Variants in FRMD4B observed in about 807,000 individuals in gnomAD.
The protein encoded by FRMD4B is FERM domain-containing protein 4B.
A neutral mutation model predicts 141.5 loss-of-function variants in FRMD4B; 74 were observed. The observed-to-expected ratio is 0.52, with a 90% CI of 0.43 to 0.63. FRMD4B has a LOEUF of 0.63. Among genes scored for constraint, FRMD4B ranks in the 30% least tolerant of loss-of-function variants. The pLI is 0.00. For missense variants in FRMD4B, 1,366 were observed against 1,253.4 expected, an observed-to-expected ratio of 1.09 and a Z score of -1.36; for synonymous variants, 506 against 467.9, an observed-to-expected ratio of 1.08 and a Z score of -1.05.
chr3:69,485,121 T>G (rs2107001140), intron 1 of FRMD4B, among the ~76,000 whole-genome samples: 1 of 152,176 alleles, frequency 6.6e-6, no homozygotes, highest in Admixed American at 6.5e-5. Context: ...TGCTCCTCTA[T>G]TACCAAAGTC....
intron 1 of FRMD4B, among the ~76,000 whole-genome samples, chr3:69,346,214 C>A (rs772409759): frequency 2.6e-5 from 4 of 151,526 alleles, no homozygotes; most frequent in Non-Finnish European, 5.9e-5. Flanking sequence ...TTCGATCAAG[C>A]GGAAGAAAGG....
At chr3:69,224,866 G>T (rs2093235276) in intron 7 of FRMD4B, among the ~76,000 whole-genome samples, 176 bp from the exon 8 acceptor site, 1 of 149,942 alleles carries the variant, frequency 6.7e-6, no homozygotes, top group South Asian at 2.2e-4. Flanking sequence ...TGAGTTATAT[G>T]ATGAGATGTT....
At chr3:69,408,733 C>T (rs186759492) in intron 2 of FRMD4B, among the ~76,000 whole-genome samples, 9 of 152,152 alleles carry the variant, frequency 5.9e-5, no homozygotes, top group African/African-American at 1.4e-4. Context: ...GAGATAGTTG[C>T]GTGGAGTCCT....
At chr3:69,390,050 T>G (rs79573821), upstream of FRMD4B, among the ~76,000 whole-genome samples, 113 of 151,932 alleles carry the variant, frequency 7.4e-4, 2 homozygotes, top group East Asian at 0.018. Context: ...CACCTGGGAG[T>G]TGTGCTGTCG....
At chr3:69,498,188 A>T (rs895989032) in intron 1 of FRMD4B, among the ~76,000 whole-genome samples, 5 of 152,204 alleles carry the variant, frequency 3.3e-5, no homozygotes, top group African/African-American at 1.2e-4. Context: ...ACCTCAAGTG[A>T]GAACTGAGGA....
intron 1 of FRMD4B, among the ~76,000 whole-genome samples, chr3:69,345,407 G>C (rs1702901542): frequency 6.6e-6 from 1 of 152,204 alleles, no homozygotes; most frequent in Non-Finnish European, 1.5e-5. Context: ...TCCATCTCTG[G>C]GGGCAGGGCA....
intron 1 of FRMD4B, among the ~76,000 whole-genome samples, chr3:69,480,724 A>G (rs9845433): frequency 0.024 from 3,723 of 152,262 alleles, 161 homozygotes; most frequent in African/African-American, 0.084. Flanking sequence ...TGGGAGAACC[A>G]CTGCTCTCTT....
chr3:69,457,350 T>G (rs1184671315), intron 1 of FRMD4B, among the ~76,000 whole-genome samples: 2 of 152,236 alleles, frequency 1.3e-5, no homozygotes, highest in African/African-American at 4.8e-5. Context: ...TTCTTTGTTC[T>G]TTGTTGTATT....
intron 1 of FRMD4B, among the ~76,000 whole-genome samples, chr3:69,470,517 G>A (rs931583223): frequency 6.6e-6 from 1 of 152,082 alleles, no homozygotes; most frequent in Non-Finnish European, 1.5e-5. Flanking sequence ...AAAGAACAAA[G>A]AGGGTTTTAT....
At chr3:69,275,536 T>A (rs995807643) in intron 5 of FRMD4B, among the ~76,000 whole-genome samples, 8 of 151,528 alleles carry the variant, frequency 5.3e-5, no homozygotes, top group African/African-American at 1.9e-4. Flanking sequence ...ACCTCATGGG[T>A]TCCAGTGATC....
chr3:69,449,209 C>A (rs1385508753), intron 1 of FRMD4B, among the ~76,000 whole-genome samples: 2 of 152,160 alleles, frequency 1.3e-5, no homozygotes, highest in African/African-American at 4.8e-5. Flanking sequence ...ACCTCAGCGA[C>A]CTCCATACTG....
rs530454654 is a variant in FRMD4B at position 69,531,481 on chromosome 3, C to T, written c.-129+10725G>A. On this transcript the variant is annotated intron_variant, in intron 1 of 5. Transcript: ENST00000459638. ...AATGTGTGCACAAAGAGGTAAGCTT[C>T]AATTACCTGGAAAAATCACTTAAGT... Among the ~76,000 whole-genome samples, 6 of 152,276 alleles carry T rather than the reference C, an allele frequency of 3.9e-5. No homozygotes were observed. In the South Asian group the frequency reaches 1.2e-3, roughly 32 times the overall value.
chr3:69,500,756 A>C (rs1706481344), intron 1 of FRMD4B, among the ~76,000 whole-genome samples: 1 of 151,740 alleles, frequency 6.6e-6, no homozygotes, highest in African/African-American at 2.4e-5. Context: ...AGTTGCCCAG[A>C]AGTGGGAGAG....
chr3:69,406,184 C>T (rs1220857206), intron 2 of FRMD4B, among the ~76,000 whole-genome samples: 1 of 152,138 alleles, frequency 6.6e-6, no homozygotes, highest in Non-Finnish European at 1.5e-5. Context: ...CAGCTAAAAC[C>T]TTTTGCCAAG....
chr3:69,345,380 T>C (rs1702900228), intron 1 of FRMD4B, among the ~76,000 whole-genome samples: 1 of 152,192 alleles, frequency 6.6e-6, no homozygotes, highest in Non-Finnish European at 1.5e-5. Context: ...CAAGGAGGCC[T>C]GCCTGCCTCT....
rs1006382655 is a variant in FRMD4B at position 69,222,012 on chromosome 3, A to C, written c.666-89T>G. 5 of 746,588 alleles carry C rather than the reference A, an allele frequency of 6.7e-6. No individual in the cohort carries two copies. In the African/African-American group the frequency reaches 6.9e-5, roughly 10 times the overall value. 46.2% of individuals were successfully genotyped at this position (746,588 alleles called of 1,614,324 possible). A position where few individuals can be genotyped will look rare whatever the true frequency, so the allele number is the denominator to read the frequency against. On this transcript the variant is annotated intron_variant, in intron 8 of 22. Transcript: ENST00000398540. The stretch of plus-strand genomic sequence containing the variant: ...CACATTATCAGGTGGCTGTCAGGAA[A>C]CTTGAGAGAGAAAGCCTTCACCAAC...
Position 69,348,763 on chromosome 3 carries a change from C to T in FRMD4B, c.163-35246G>A, listed in dbSNP as rs567056608. ...TGCTTATCTCAATAGATGCAGAAAA[C>T]GCCTTTGACAAAATTCAACAGCCCT... On this transcript the variant is annotated intron_variant, in intron 1 of 22. Transcript: ENST00000398540. 1.8e-3 allele frequency among the ~76,000 whole-genome samples: 273 copies of T among 152,194 alleles called. 2 individuals are homozygous for T. Among genetic ancestry groups the T allele is most frequent in the African/African-American group, 6.2e-3 (256 of 41,528 alleles).
chr3:69,222,247 C>A (rs1261138448), intron 8 of FRMD4B, among the ~76,000 whole-genome samples: 2 of 151,738 alleles, frequency 1.3e-5, no homozygotes, highest in Non-Finnish European at 2.9e-5. Flanking sequence ...CTGAGGGGAT[C>A]ATGAGGTCAG....
intron 1 of FRMD4B, among the ~76,000 whole-genome samples, chr3:69,533,765 C>T (rs1207739371): frequency 6.6e-6 from 1 of 152,182 alleles, no homozygotes; most frequent in Admixed American, 6.5e-5. Context: ...AGTACCATCC[C>T]ATGCACCCCC....
Sources: gnomAD v4.1 joint callset for allele counts (sites outside exome capture counted in the v4.1 genomes callset) on GRCh38, gnomAD v4.1.1 for gene constraint, MANE v1.5 for transcripts, NCBI Gene and HGNC (gene_info 2026-07-23, HGNC 2026-07-21) for gene names.